ESRRG: variants seen among roughly 807,000 people sequenced by gnomAD.
The protein encoded by ESRRG is estrogen-related receptor gamma.
ESRRG carries 13 observed loss-of-function variants against 44.0 expected under a neutral mutation model. The observed-to-expected ratio is 0.30, with a 90% CI of 0.19 to 0.47. The LOEUF (loss-of-function observed/expected upper bound fraction) is 0.47. Among genes scored for constraint, ESRRG ranks in the 20% least tolerant of loss-of-function variants. ESRRG has a pLI of 1.00. For missense variants in ESRRG, 395 were observed against 580.6 expected (o/e 0.68, Z 3.29); for synonymous variants, 215 against 214.6 (o/e 1.00, Z -0.02).
intron 2 of ESRRG, among the ~76,000 whole-genome samples, chr1:216,811,636 A>G (rs185645684): frequency 1.2e-4 from 19 of 152,346 alleles, no homozygotes; most frequent in Admixed American, 1.1e-3. Context: ...CTATTAAGTC[A>G]GCAGAAGTGA....
chr1:216,610,908 C>T (rs938458297), intron 3 of ESRRG, among the ~76,000 whole-genome samples: 2 of 152,090 alleles, frequency 1.3e-5, no homozygotes, highest in African/African-American at 2.4e-5. Flanking sequence ...TGGAATCTAG[C>T]TATTGTACTG....
At chr1:216,604,272 C>T (rs1159470649) in intron 3 of ESRRG, among the ~76,000 whole-genome samples, 1 of 152,176 alleles carries the variant, frequency 6.6e-6, no homozygotes, top group Non-Finnish European at 1.5e-5. Flanking sequence ...GTGTTCGGCA[C>T]ATCAGAATCT....
At chr1:216,850,860 T>C (rs1261419881) in intron 2 of ESRRG, among the ~76,000 whole-genome samples, 1 of 151,948 alleles carries the variant, frequency 6.6e-6, no homozygotes, top group African/African-American at 2.4e-5. Context: ...TATGGAAATA[T>C]TGCTTAGTTA....
At chr1:216,758,900 T>A (rs2152331232) in intron 2 of ESRRG, among the ~76,000 whole-genome samples, 1 of 151,978 alleles carries the variant, frequency 6.6e-6, no homozygotes, top group African/African-American at 2.4e-5. Flanking sequence ...TACTATATAT[T>A]TTTTTTCATG....
At chr1:216,701,542 T>C (rs2081391902) in intron 1 of ESRRG, 1 of 152,176 alleles carries the variant, frequency 6.6e-6, no homozygotes, top group Admixed American at 6.5e-5. Flanking sequence ...ATCTATATGT[T>C]TTAAGAAAAC....
intron 2 of ESRRG, among the ~76,000 whole-genome samples, chr1:216,912,742 TTA>T (rs1413780898): frequency 6.6e-6 from 1 of 152,174 alleles, no homozygotes. Flanking sequence ...ATTGAATACA[TTA>T]TACACACAAT....
intron 1 of ESRRG, among the ~76,000 whole-genome samples, chr1:217,103,147 T>TTTACATGTTTA (rs201917787): frequency 0.022 from 3,396 of 152,108 alleles, 130 homozygotes; most frequent in African/African-American, 0.078. Flanking sequence ...GCACAGAGTT[T>TTTACATGTTTA]TTACATGTTT....
chr1:216,652,480 A>G (rs1292767955), intron 2 of ESRRG, among the ~76,000 whole-genome samples: 1 of 152,212 alleles, frequency 6.6e-6, no homozygotes, highest in Non-Finnish European at 1.5e-5. Flanking sequence ...CTGGTTAAGT[A>G]TGCATGACTT....
intron 1 of ESRRG, among the ~76,000 whole-genome samples, chr1:216,719,795 C>T (rs779020606): frequency 2.6e-5 from 4 of 151,900 alleles, no homozygotes; most frequent in Admixed American, 6.6e-5. Flanking sequence ...GGTTAATTAC[C>T]GCTGCAACAC....
chr1:216,640,322 C>T (rs561599687), intron 3 of ESRRG, among the ~76,000 whole-genome samples: 1 of 152,216 alleles, frequency 6.6e-6, no homozygotes, highest in Non-Finnish European at 1.5e-5. Flanking sequence ...AGCTAATTGG[C>T]TTTGGGGAAG....
intron 2 of ESRRG, among the ~76,000 whole-genome samples, chr1:216,874,619 A>G (rs1018064721): frequency 1.3e-5 from 2 of 152,190 alleles, no homozygotes; most frequent in African/African-American, 4.8e-5. Context: ...TTATCATTTT[A>G]GCATATAACT....
intron 2 of ESRRG, among the ~76,000 whole-genome samples, chr1:216,787,421 G>A (rs11809093): frequency 0.022 from 3,411 of 151,910 alleles, 122 homozygotes; most frequent in African/African-American, 0.079. Context: ...TGACCAACAT[G>A]GTGAAACCCC....
intron 5 of ESRRG, among the ~76,000 whole-genome samples, chr1:216,549,549 T>A (rs1263653760): frequency 6.6e-6 from 1 of 152,064 alleles, no homozygotes; most frequent in Admixed American, 6.6e-5. Flanking sequence ...AGATAGTCCA[T>A]CCATACAATT....
chr1:216,693,288 T>A (rs946742167), intron 1 of ESRRG, among the ~76,000 whole-genome samples: 3 of 152,166 alleles, frequency 2.0e-5, no homozygotes, highest in South Asian at 2.1e-4. Flanking sequence ...TTAAAAAAAT[T>A]TTTTATGTGT....
intron 2 of ESRRG, among the ~76,000 whole-genome samples, chr1:216,795,599 C>T (rs1464042824): frequency 6.6e-6 from 1 of 151,810 alleles, no homozygotes; most frequent in Non-Finnish European, 1.5e-5. Context: ...CCTCGGCCTC[C>T]CAAAGTGCTG....
At chr1:216,765,346 T>G (rs753768075) in intron 2 of ESRRG, among the ~76,000 whole-genome samples, 1 of 151,958 alleles carries the variant, frequency 6.6e-6, no homozygotes, top group South Asian at 2.2e-4. Flanking sequence ...TGTGTTCTAC[T>G]GCTATAAGGA....
intron 2 of ESRRG, among the ~76,000 whole-genome samples, chr1:216,753,155 A>C (rs1256722347): frequency 5.3e-5 from 6 of 112,384 alleles, no homozygotes; most frequent in Non-Finnish European, 7.8e-5. Flanking sequence ...AAGGCAAAGG[A>C]CCATATATCT....
chr1:217,086,314 A>G (rs550617753), intron 1 of ESRRG, among the ~76,000 whole-genome samples: 3 of 152,370 alleles, frequency 2.0e-5, no homozygotes, highest in African/African-American at 7.2e-5. Context: ...TGTATTAGGT[A>G]CATTTCAATG....
At chr1:217,104,707 G>A (rs1295270910) in intron 1 of ESRRG, among the ~76,000 whole-genome samples, 1 of 152,130 alleles carries the variant, frequency 6.6e-6, no homozygotes, top group Non-Finnish European at 1.5e-5. Flanking sequence ...GCATTTGGTG[G>A]CACAGGGCAT....
Sources: allele counts gnomAD v4.1 joint callset (sites outside exome capture counted in the v4.1 genomes callset), GRCh38; gene constraint gnomAD v4.1.1; transcripts MANE v1.5; gene names NCBI Gene and HGNC (gene_info 2026-07-23, HGNC 2026-07-21).